Variants in ZHX2 observed in about 807,000 individuals in gnomAD.
ZHX2 encodes the protein zinc fingers and homeoboxes 2, also known as zinc fingers and homeoboxes protein 2.
A neutral mutation model predicts 21.9 loss-of-function variants in ZHX2; 6 were observed. The observed-to-expected ratio is 0.27, with a 90% CI of 0.15 to 0.54. ZHX2 has a LOEUF of 0.54. Ranked by LOEUF, ZHX2 falls within the 20% of genes least tolerant of loss-of-function variation. The pLI, the probability that ZHX2 is intolerant of heterozygous loss-of-function variation, is 0.95. For synonymous variants in ZHX2, 434 were observed against 437.1 expected (o/e 0.99, Z 0.09); for missense variants, 908 against 1,090.7 (o/e 0.83, Z 2.36).
chr8:122,860,890 G>A (rs779481515), intron 1 of ZHX2, among the ~76,000 whole-genome samples: 3 of 151,950 alleles, frequency 2.0e-5, no homozygotes, highest in Non-Finnish European at 2.9e-5. Context: ...AAAATTAGCC[G>A]GGCATGGCAG....
Position 122,951,638 on chromosome 8 carries a change from C to G in ZHX2, c.128C>G (p.Ala43Gly), listed in dbSNP as rs1056116205. ...ATCGGCACACCACAGCCTGACGTGG[C>G]CAAGGACAGTTGGGCAGCAGAACTT... ...KGIGTPQPDV[A>G]KDSWAAELEN... Residue 43 changes from alanine (A) to glycine (G), a missense_variant, in exon 3 of 4, where the codon GCC (alanine) becomes GGC (glycine). Coordinates refer to ENST00000314393, the MANE Select transcript of ZHX2 (RefSeq NM_014943.5). The G allele has an allele frequency of 6.2e-7, 1 of 1,613,874 alleles. No individual in the cohort carries two copies. The highest frequency in any genetic ancestry group is 1.7e-5 in the Admixed American group (1 of 59,968).
chr8:122,880,278 T>C (rs529159960), intron 2 of ZHX2, among the ~76,000 whole-genome samples: 34 of 152,108 alleles, frequency 2.2e-4, no homozygotes, highest in Admixed American at 2.0e-3. Context: ...CCAGCTGTTA[T>C]CTCATTTTTA....
Position 122,954,016 on chromosome 8 carries a change from C to T in ZHX2, c.2506C>T (p.Gln836Ter). The T allele has an allele frequency of 6.3e-7, 1 of 1,580,240 alleles. No homozygotes were observed. Reference sequence around the variant, plus strand: ...CGACTGCGTCCCTGCAGAGGCTGGCCAGGCCTAGACAGGTAATTCCACCTG... The same window carrying T: ...CGACTGCGTCCCTGCAGAGGCTGGCTAGGCCTAGACAGGTAATTCCACCTG... ...DSDCVPAEAG[Q>*]A The change falls in exon 3 of 4, where the codon CAG becomes TAG. Residue 836 changes from glutamine to a stop codon, truncating the protein, a stop_gained. Transcript: ENST00000314393. LOFTEE classifies it low-confidence loss of function (END_TRUNC).
rs767930305 is a variant in ZHX2 at position 122,952,156 on chromosome 8, G to A, written c.646G>A (p.Ala216Thr). 2.4e-5 allele frequency: 39 copies of A among 1,613,226 alleles called. No individual in the cohort carries two copies. The highest frequency in any genetic ancestry group is 3.3e-5 in the South Asian group (3 of 91,006). ...CCCCGAGAACCACGTGGAAGGGACC[G>A]CCCGCCTGGTGACAGACACAGCTGA... ...ITPENHVEGT[A>T]RLVTDTAEIL... The change falls in exon 3 of 4, where the codon GCC (alanine) becomes ACC (threonine). Residue 216 changes from alanine to threonine, a missense_variant. Coordinates refer to ENST00000314393, the MANE Select transcript of ZHX2 (RefSeq NM_014943.5). This position sits in a 1 kb window ranked among gnomAD's most constrained non-coding sequence, Gnocchi z 6.9.
At chr8:122,805,615 G>T (rs879483438) in intron 1 of ZHX2, among the ~76,000 whole-genome samples, 2 of 152,174 alleles carry the variant, frequency 1.3e-5, no homozygotes, top group Non-Finnish European at 2.9e-5. Context: ...CAAGCTCCAT[G>T]CCAGGTTTAA....
chr8:122,931,112 A>C (rs879170833), intron 2 of ZHX2, among the ~76,000 whole-genome samples: 8 of 152,102 alleles, frequency 5.3e-5, no homozygotes, highest in Non-Finnish European at 8.8e-5. Flanking sequence ...ATCCTTATAA[A>C]ATGAGTGGAG....
intron 2 of ZHX2, among the ~76,000 whole-genome samples, chr8:122,869,729 T>C (rs1819386651): frequency 6.6e-6 from 1 of 152,220 alleles, no homozygotes; most frequent in South Asian, 2.1e-4. Context: ...ATCGAGAGTG[T>C]GCACTTTGGA....
intron 2 of ZHX2, among the ~76,000 whole-genome samples, chr8:122,894,121 C>A (rs1249938229): frequency 6.6e-6 from 1 of 152,200 alleles, no homozygotes; most frequent in Non-Finnish European, 1.5e-5. Flanking sequence ...GCCTAGGCTG[C>A]AGGTTTTTGT....
intron 1 of ZHX2, among the ~76,000 whole-genome samples, chr8:122,848,520 C>CA (rs1818806594): frequency 6.6e-6 from 1 of 152,130 alleles, no homozygotes; most frequent in Non-Finnish European, 1.5e-5. Flanking sequence ...GACCACCCCT[C>CA]ATTAAGGGTT....
intron 2 of ZHX2, among the ~76,000 whole-genome samples, chr8:122,864,441 A>T (rs1819237955): frequency 6.6e-6 from 1 of 151,996 alleles, no homozygotes; most frequent in East Asian, 1.9e-4. Flanking sequence ...GAGCCCAAAC[A>T]CCTGCTGTAT....
At chr8:122,905,760 G>A (rs904291303) in intron 2 of ZHX2, among the ~76,000 whole-genome samples, 56 of 152,194 alleles carry the variant, frequency 3.7e-4, no homozygotes, top group African/African-American at 1.4e-3. Flanking sequence ...ATATGTAGAT[G>A]ATACACTAGA....
intron 1 of ZHX2, among the ~76,000 whole-genome samples, chr8:122,813,088 C>T (rs761651033): frequency 3.3e-5 from 5 of 151,098 alleles, no homozygotes; most frequent in African/African-American, 1.2e-4. Flanking sequence ...TCCAGCTACT[C>T]GGGAGGCTGA....
Position 122,951,952 on chromosome 8 carries a change from A to T in ZHX2, c.442A>T (p.Asn148Tyr). 6.2e-7 allele frequency: 1 copy of T among 1,613,970 alleles called. No individual in the cohort carries two copies. Among genetic ancestry groups the T allele is most frequent in the Non-Finnish European group, 8.5e-7 (1 of 1,180,022 alleles). The change falls in exon 3 of 4, where the codon AAT becomes TAT. Residue 148 changes from asparagine (N) to tyrosine (Y), a missense_variant. Asn to Tyr is a moderately radical substitution (Grantham distance 143). Transcript: ENST00000314393. ...CAAGCTGAAGTTAATTAAACGCAAT[A>T]ATCAAACTGTCTTGGAACAGTCCAT... ...NFKLKLIKRN[N>Y]QTVLEQSIET...
intron 2 of ZHX2, among the ~76,000 whole-genome samples, chr8:122,911,357 T>C (rs1820476572): frequency 1.3e-5 from 2 of 152,020 alleles, no homozygotes; most frequent in South Asian, 2.1e-4. Flanking sequence ...TCTCAGCCCC[T>C]CCCTGTCCTG....
At chr8:122,936,788 G>A (rs528633916) in intron 2 of ZHX2, among the ~76,000 whole-genome samples, 9 of 152,294 alleles carry the variant, frequency 5.9e-5, no homozygotes, top group East Asian at 5.8e-4. Context: ...CTCCTCCGTC[G>A]TGGCGAGATA....
intron 3 of ZHX2, among the ~76,000 whole-genome samples, chr8:122,954,654 G>A (rs923373996): frequency 4.6e-5 from 7 of 152,144 alleles, no homozygotes; most frequent in Non-Finnish European, 1.0e-4. Context: ...GAAAAATGGG[G>A]GCTGATGGAA....
intron 2 of ZHX2, among the ~76,000 whole-genome samples, chr8:122,941,898 C>T (rs1210135588): frequency 6.6e-6 from 1 of 152,194 alleles, no homozygotes; most frequent in African/African-American, 2.4e-5. Context: ...GGTATTTTTA[C>T]AAAGCACTCC....
intron 2 of ZHX2, among the ~76,000 whole-genome samples, chr8:122,931,017 G>T (rs1201730276): frequency 6.6e-6 from 1 of 152,052 alleles, no homozygotes; most frequent in African/African-American, 2.4e-5. Flanking sequence ...TCCAGATAGG[G>T]CACGTCTTCC....
At chr8:122,804,838 C>T (rs982598968) in intron 1 of ZHX2, among the ~76,000 whole-genome samples, 17 of 152,170 alleles carry the variant, frequency 1.1e-4, no homozygotes, top group Non-Finnish European at 1.5e-5. Flanking sequence ...CACTCAAAAG[C>T]CTGTTTTCTT....
Sources: gnomAD v4.1 joint callset for allele counts (sites outside exome capture counted in the v4.1 genomes callset) on GRCh38, gnomAD v4.1.1 for gene constraint, Gnocchi (gnomAD v3.1) non-coding constraint, MANE v1.5 for transcripts, NCBI Gene and HGNC (gene_info 2026-07-23, HGNC 2026-07-21) for gene names.